EFCAB6: variants seen among roughly 807,000 people sequenced by gnomAD.
EFCAB6 encodes the protein EF-hand calcium-binding domain-containing protein 6.
Under a neutral mutation model 169.8 loss-of-function variants are expected in EFCAB6, and 156 were observed. That is an observed-to-expected ratio of 0.92 (90% confidence interval 0.81 to 1.05). The LOEUF is 1.05. Ranked by LOEUF, EFCAB6 falls within the 50% of genes least tolerant of loss-of-function variation. EFCAB6 has a pLI of 0.00. For missense variants in EFCAB6, 1,800 were observed against 1,829.1 expected (o/e 0.98, Z 0.29); for synonymous variants, 698 against 676.4 (o/e 1.03, Z -0.50).
chr22:43,534,178 T>C (rs1215382364), intron 30 of EFCAB6, among the ~76,000 whole-genome samples: 3 of 152,174 alleles, frequency 2.0e-5, no homozygotes, highest in African/African-American at 4.8e-5. Context: ...GATTGGATCA[T>C]GGGGGAGGTT....
Position 43,683,907 on chromosome 22 carries a change from G to A in EFCAB6, c.1143-52C>T, listed in dbSNP as rs767941655. The A allele has an allele frequency of 9.1e-6, 13 of 1,427,252 alleles. No homozygotes were observed. In the Middle Eastern group the frequency reaches 6.4e-4, roughly 70 times the overall value. The allele number at this position is 1,427,252 out of a possible 1,614,324, so 88.4% of individuals were successfully genotyped here. On this transcript the variant is annotated intron_variant, in intron 11 of 31. Transcript: ENST00000262726. ...GAATAAGATTATGTTCTTGAACTTT[G>A]TTCTTTTCTTAATGCAAGAAACAAG...
intron 2 of EFCAB6, among the ~76,000 whole-genome samples, chr22:43,791,469 AG>A (rs1003545234): frequency 1.3e-5 from 2 of 152,174 alleles, no homozygotes; most frequent in Non-Finnish European, 2.9e-5. Flanking sequence ...AAAAAAGAAA[AG>A]GTCAAAGGGC....
rs117481150 is a variant in EFCAB6, at chr22:43,794,500, C to T, written c.-7-12175G>A. Reference sequence around the variant, plus strand: ...GTGTATGTGTGTATGCATTTGCCTACATGCATGTGAGTGATTTGTGTGTAT... The same window carrying T: ...GTGTATGTGTGTATGCATTTGCCTATATGCATGTGAGTGATTTGTGTGTAT... On this transcript the variant is annotated intron_variant, in intron 2 of 31. Coordinates refer to ENST00000262726, the MANE Select transcript of EFCAB6 (RefSeq NM_022785.4). Among the ~76,000 whole-genome samples, 67 of 152,308 alleles carry T rather than the reference C, an allele frequency of 4.4e-4. No individual in the cohort carries two copies. The East Asian group carries it at 0.013, about 29-fold the overall frequency.
chr22:43,788,210 C>T (rs2062150305), intron 2 of EFCAB6, among the ~76,000 whole-genome samples: 1 of 152,104 alleles, frequency 6.6e-6, no homozygotes, highest in Admixed American at 6.5e-5. Context: ...ACACAGGCAA[C>T]TAAAGAAGAA....
intron 9 of EFCAB6, 113 bp downstream of exon 9, chr22:43,716,735 T>G (rs751506778): frequency 1.7e-5 from 22 of 1,328,634 alleles, no homozygotes; most frequent in Non-Finnish European, 1.8e-5. Context: ...GGAGAAGACA[T>G]AGGTAGGATC....
chr22:43,744,638 GA>G lies in EFCAB6; in HGVS notation c.508-8646del, dbSNP rs2060499219. 6.6e-6 allele frequency among the ~76,000 whole-genome samples: 1 copy of G among 152,106 alleles called. No individual in the cohort carries two copies. Among genetic ancestry groups the G allele is most frequent in the Non-Finnish European group, 1.5e-5 (1 of 68,006 alleles). Reference sequence around the variant, plus strand: ...CAGGAGTGGGAGCTGAGGGGGTCCAGAGGGGGCTAAGTCAGGGCTGATCTTC... The same window carrying G: ...CAGGAGTGGGAGCTGAGGGGGTCCAGGGGGGCTAAGTCAGGGCTGATCTTC... On this transcript the variant is annotated intron_variant, in intron 6 of 31. Coordinates refer to ENST00000262726, the MANE Select transcript of EFCAB6 (RefSeq NM_022785.4). The surrounding 1 kb of genome is among the most constrained non-coding windows in gnomAD (Gnocchi z 4.3).
intron 10 of EFCAB6, among the ~76,000 whole-genome samples, chr22:43,700,610 C>A (rs1386861678): frequency 6.6e-6 from 1 of 152,174 alleles, no homozygotes; most frequent in Admixed American, 6.5e-5. Flanking sequence ...TCGTGCTGCA[C>A]CTGTGGAGAC....
At chr22:43,741,805 G>A (rs944447285) in intron 6 of EFCAB6, among the ~76,000 whole-genome samples, 2 of 152,002 alleles carry the variant, frequency 1.3e-5, no homozygotes, top group Admixed American at 1.3e-4. Flanking sequence ...ATCCAGCCAC[G>A]GGCAGAACCC....
At chr22:43,619,625 G>C (rs1477442010) in intron 20 of EFCAB6, among the ~76,000 whole-genome samples, 1 of 152,130 alleles carries the variant, frequency 6.6e-6, no homozygotes, top group Non-Finnish European at 1.5e-5. Context: ...TACTGGATTG[G>C]GTCAATGGCA....
chr22:43,783,015 G>A (rs534795223), intron 2 of EFCAB6, among the ~76,000 whole-genome samples: 1 of 152,272 alleles, frequency 6.6e-6, no homozygotes, highest in South Asian at 2.1e-4. Flanking sequence ...CCAGCAGGCT[G>A]ACAGTCACTG....
At chr22:43,765,907 G>A (rs1368965144) in intron 4 of EFCAB6, among the ~76,000 whole-genome samples, 1 of 152,156 alleles carries the variant, frequency 6.6e-6, no homozygotes, top group Admixed American at 6.5e-5. Flanking sequence ...TTATCTCAAT[G>A]TTTAATTTGC....
intron 17 of EFCAB6, among the ~76,000 whole-genome samples, chr22:43,646,296 T>G (rs902933887): frequency 3.3e-5 from 5 of 152,342 alleles, no homozygotes; most frequent in African/African-American, 1.2e-4. Context: ...TCTTGCTGAT[T>G]TCAAGAGCAG....
At chr22:43,765,427 G>A (rs1481990604) in intron 4 of EFCAB6, 34 bp from the exon 5 acceptor site, 2 of 1,533,076 alleles carry the variant, frequency 1.3e-6, no homozygotes, top group South Asian at 1.1e-5. Context: ...CAACATGTTA[G>A]AGAATTAAGA....
intron 4 of EFCAB6, among the ~76,000 whole-genome samples, chr22:43,770,432 CAT>C (rs1465592451): frequency 7.2e-5 from 11 of 152,182 alleles, no homozygotes; most frequent in African/African-American, 2.4e-4. Flanking sequence ...AGGTGACTAA[CAT>C]GTGAAAATTA....
chr22:43,542,107 T>G (rs2047767712), intron 27 of EFCAB6, among the ~76,000 whole-genome samples: 1 of 152,218 alleles, frequency 6.6e-6, no homozygotes, highest in Non-Finnish European at 1.5e-5. Flanking sequence ...CTGTTTGAGC[T>G]GGACTCGGAG....
At position 43,677,964 on chromosome 22, in the gene EFCAB6, A is replaced by G. The variant is rs781349191; in HGVS notation, c.1419+32T>C. 28 of 1,591,142 alleles carry G rather than the reference A, an allele frequency of 1.8e-5. No individual in the cohort carries two copies. In the African/African-American group the frequency reaches 3.7e-4, roughly 21 times the overall value. On this transcript the variant is annotated intron_variant, in intron 13 of 31. Coordinates refer to ENST00000262726, the MANE Select transcript of EFCAB6 (RefSeq NM_022785.4). ...TACTGAAATTTCCCAACATAAAGAG[A>G]AAACCAAACAGGAAGTTGTTACAAA... is the stretch of plus-strand genomic sequence containing the variant.
At chr22:43,575,351 C>T (rs367934056) in intron 26 of EFCAB6, among the ~76,000 whole-genome samples, 2 of 139,390 alleles carry the variant, frequency 1.4e-5, no homozygotes, top group African/African-American at 2.7e-5. Context: ...CCACCACATC[C>T]GGCTATGTTT....
In EFCAB6 at chr22:43,610,954, T is replaced by C. The variant is rs570836591; in HGVS notation, c.2563-2354A>G. The stretch of plus-strand genomic sequence containing the variant: ...AAAACTGGAGAGACAGACAGGTGAA[T>C]ACAGAGAATCACAATTTACTGGGAC... On this transcript the variant is annotated intron_variant, in intron 21 of 31. Coordinates refer to ENST00000262726, the MANE Select transcript of EFCAB6 (RefSeq NM_022785.4). Among the ~76,000 whole-genome samples, 40 of 152,298 alleles carry C rather than the reference T, an allele frequency of 2.6e-4. No individual in the cohort carries two copies. In the South Asian group the frequency reaches 8.1e-3, roughly 31 times the overall value.
intron 15 of EFCAB6, among the ~76,000 whole-genome samples, chr22:43,670,010 A>T (rs2057420071): frequency 6.7e-6 from 1 of 149,112 alleles, no homozygotes; most frequent in Non-Finnish European, 1.5e-5. Context: ...AACATTTTTA[A>T]GGTTGTAGGC....
Sources: allele counts gnomAD v4.1 joint callset (sites outside exome capture counted in the v4.1 genomes callset), GRCh38; gene constraint gnomAD v4.1.1; non-coding constraint Gnocchi (gnomAD v3.1); transcripts MANE v1.5; gene names NCBI Gene and HGNC (gene_info 2026-07-23, HGNC 2026-07-21).